Variants in PEX5L observed in about 807,000 individuals in gnomAD.
The protein encoded by PEX5L is peroxisomal biogenesis factor 5 like, also known as PEX5-related protein.
Under a neutral mutation model 84.0 loss-of-function variants are expected in PEX5L, and 30 were observed. The ratio of observed to expected loss-of-function variants is 0.36; its 90% confidence interval spans 0.27 to 0.48. PEX5L has a LOEUF of 0.48. Among genes scored for constraint, PEX5L ranks in the 20% least tolerant of loss-of-function variants. The pLI is 0.99. For synonymous variants in PEX5L, 270 were observed against 283.1 expected, an observed-to-expected ratio of 0.95 and a Z score of 0.46; for missense variants, 533 against 754.6, an observed-to-expected ratio of 0.71 and a Z score of 3.44.
intron 4 of PEX5L, among the ~76,000 whole-genome samples, chr3:179,882,390 C>A (rs957401913): frequency 6.6e-6 from 1 of 152,194 alleles, no homozygotes; most frequent in African/African-American, 2.4e-5. Context: ...GTGTCCTGGG[C>A]AATTCCTGTA....
At chr3:179,940,461 G>A (rs1171541480) in intron 2 of PEX5L, among the ~76,000 whole-genome samples, 1 of 152,112 alleles carries the variant, frequency 6.6e-6, no homozygotes. Flanking sequence ...GAGACTTTCT[G>A]CATGAAGTGC....
chr3:179,842,135 A>G (rs1737549641), intron 8 of PEX5L, among the ~76,000 whole-genome samples: 1 of 152,222 alleles, frequency 6.6e-6, no homozygotes, highest in African/African-American at 2.4e-5. Flanking sequence ...ACAATGGGGT[A>G]ATATTATACA....
At chr3:180,001,011 A>T (rs1476253682) in intron 1 of PEX5L, among the ~76,000 whole-genome samples, 1 of 152,120 alleles carries the variant, frequency 6.6e-6, no homozygotes, top group Non-Finnish European at 1.5e-5. Flanking sequence ...GGTGTTGCCA[A>T]AGGAGATTAA....
intron 2 of PEX5L, among the ~76,000 whole-genome samples, chr3:179,916,055 T>C (rs1766949212): frequency 6.6e-6 from 1 of 152,196 alleles, no homozygotes. Context: ...GCAGCAGTAG[T>C]AGTAATGGTA....
intron 2 of PEX5L, among the ~76,000 whole-genome samples, chr3:179,965,801 C>T (rs1783187292): frequency 6.6e-6 from 1 of 152,010 alleles, no homozygotes; most frequent in Non-Finnish European, 1.5e-5. Flanking sequence ...GTTATTTTGC[C>T]CTCCAAATTA....
Position 180,012,120 on chromosome 3 carries a change from G to A in PEX5L, c.21+24459C>T, listed in dbSNP as rs569035888. 9.9e-5 allele frequency among the ~76,000 whole-genome samples: 15 copies of A among 152,202 alleles called. No homozygotes were observed. In the South Asian group the frequency reaches 1.2e-3, roughly 13 times the overall value. On this transcript the variant is annotated intron_variant, in intron 1 of 14. Transcript: ENST00000467460. ...AATCCTTAAATGGATTTATATTATC[G>A]TAATTCCATCTGCCCCAGGTTTGGT...
chr3:179,985,727 C>T (rs1786751396), intron 1 of PEX5L, among the ~76,000 whole-genome samples: 1 of 152,058 alleles, frequency 6.6e-6, no homozygotes, highest in African/African-American at 2.4e-5. Context: ...TCTCTCTGCC[C>T]AGTACCTTCA....
At chr3:179,922,198 TG>T (rs1769665686) in intron 2 of PEX5L, among the ~76,000 whole-genome samples, 1 of 152,188 alleles carries the variant, frequency 6.6e-6, no homozygotes, top group African/African-American at 2.4e-5. Context: ...TGTCCCAGGC[TG>T]GGGGAATGTG....
Position 179,859,153 on chromosome 3 carries a change from C to G in PEX5L, c.731G>C (p.Arg244Pro), listed in dbSNP as rs151155435. Residue 244 changes from arginine to proline, a missense_variant, in exon 8 of 15, where the codon CGA (arginine) becomes CCA (proline). By Grantham distance (103) the Arg-to-Pro change is moderately radical. Transcript: ENST00000467460. The part of the protein sequence containing the change: ...ELELVAPTQA[R>P]LTKEHRWGSA... ...TCCCCAGCGATGTTCTTTGGTCAGT[C>G]GAGCCTGAAATCAATCATACACATA... 6.2e-7 allele frequency: 1 copy of G among 1,610,932 alleles called. No individual in the cohort carries two copies. Among genetic ancestry groups the G allele is most frequent in the African/African-American group, 1.3e-5 (1 of 74,850 alleles).
chr3:179,842,798 T>C (rs1386496651), intron 8 of PEX5L, among the ~76,000 whole-genome samples: 1 of 152,138 alleles, frequency 6.6e-6, no homozygotes, highest in Non-Finnish European at 1.5e-5. Flanking sequence ...TAAGGAATGA[T>C]TTTTGGCAGA....
At chr3:179,978,109 T>A (rs540625577) in intron 1 of PEX5L, among the ~76,000 whole-genome samples, 2 of 152,308 alleles carry the variant, frequency 1.3e-5, no homozygotes, top group Admixed American at 1.3e-4. Context: ...TAAGGTTAAA[T>A]CTAATTGGAA....
intron 1 of PEX5L, among the ~76,000 whole-genome samples, chr3:180,003,865 T>G (rs1788636482): frequency 6.6e-6 from 1 of 152,168 alleles, no homozygotes; most frequent in Non-Finnish European, 1.5e-5. Context: ...GACAAATAAG[T>G]GAAGGGAATT....
intron 1 of PEX5L, among the ~76,000 whole-genome samples, chr3:180,001,451 C>A (rs554246447): frequency 6.6e-6 from 1 of 150,644 alleles, no homozygotes; most frequent in Admixed American, 6.6e-5. Flanking sequence ...TAAAAACGAA[C>A]TTGGTAAATA....
At chr3:179,869,504 T>G (rs935797572) in intron 7 of PEX5L, among the ~76,000 whole-genome samples, 2 of 152,212 alleles carry the variant, frequency 1.3e-5, no homozygotes, top group Non-Finnish European at 2.9e-5. Context: ...CTCTGATTAG[T>G]GTATTGTTGG....
At chr3:179,873,593 A>G (rs1011940558) in intron 7 of PEX5L, among the ~76,000 whole-genome samples, 6 of 152,212 alleles carry the variant, frequency 3.9e-5, no homozygotes, top group Non-Finnish European at 4.4e-5. Flanking sequence ...CTAGTTATAA[A>G]ACAGCTAGTT....
At chr3:179,897,809 C>T (rs912748647) in intron 3 of PEX5L, among the ~76,000 whole-genome samples, 4 of 151,724 alleles carry the variant, frequency 2.6e-5, no homozygotes, top group Non-Finnish European at 5.9e-5. Flanking sequence ...TTCAAATGTA[C>T]TGTTAGCTTA....
intron 2 of PEX5L, among the ~76,000 whole-genome samples, chr3:179,923,020 T>C (rs1414535134): frequency 1.3e-5 from 2 of 151,856 alleles, no homozygotes; most frequent in South Asian, 2.1e-4. Flanking sequence ...CCAGGCACAG[T>C]GGCTCACGCC....
At chr3:179,927,650 GA>G (rs1447817621) in intron 2 of PEX5L, among the ~76,000 whole-genome samples, 1 of 151,952 alleles carries the variant, frequency 6.6e-6, no homozygotes, top group East Asian at 1.9e-4. Flanking sequence ...TCATTTATTT[GA>G]AAAATTAATT....
intron 11 of PEX5L, among the ~76,000 whole-genome samples, chr3:179,811,423 C>T (rs1236387234): frequency 1.3e-5 from 2 of 152,152 alleles, no homozygotes; most frequent in Non-Finnish European, 2.9e-5. Context: ...CCCATCCCTC[C>T]TGCTCCAACG....
Sources: gnomAD v4.1 joint callset for allele counts (sites outside exome capture counted in the v4.1 genomes callset) on GRCh38, gnomAD v4.1.1 for gene constraint, MANE v1.5 for transcripts, NCBI Gene and HGNC (gene_info 2026-07-23, HGNC 2026-07-21) for gene names.